The following VSIG2 variants were observed in gnomAD, a reference collection of about 807,000 sequenced individuals.
The protein encoded by VSIG2 is V-set and immunoglobulin domain-containing protein 2.
In VSIG2, 30 loss-of-function variants were observed where a neutral mutation model predicts 29.4. The observed-to-expected ratio is 1.02, with a 90% confidence interval of 0.76 to 1.38. The LOEUF (loss-of-function observed/expected upper bound fraction) is 1.38, where lower values mean the gene tolerates loss of function less well. Ranked by LOEUF, VSIG2 falls within the 40% of genes most tolerant of loss-of-function variation. The pLI is 0.00. For missense variants in VSIG2, 421 were observed against 400.8 expected, an observed-to-expected ratio of 1.05 and a Z score of -0.43; for synonymous variants, 178 against 174.2, an observed-to-expected ratio of 1.02 and a Z score of -0.17.
intron 3 of VSIG2, 29 bp from the exon 4 acceptor site, chr11:124,749,895 A>AAACAAAAAAAAAC (rs1555108821): frequency 6.7e-6 from 10 of 1,485,748 alleles, no homozygotes; most frequent in African/African-American, 4.4e-5. Context: ...AAAAAAAAAA[A>AAACAAAAAAAAAC]CAGAAAGTTC....
At chr11:124,752,046 C>A in intron 1 of VSIG2, 31 bp downstream of exon 1, 1 of 1,575,118 alleles carries the variant, frequency 6.3e-7, no homozygotes, top group South Asian at 1.2e-5. Context: ...CCCCCCAGCC[C>A]TCGCCGTGGT....
At position 124,752,249 on chromosome 11, in the gene VSIG2, C is replaced by G; in HGVS notation, c.-112G>C. The stretch of plus-strand genomic sequence containing the variant: ...GGCAGCCGCCCGGGCTGGGCAGGAG[C>G]GAGACTGGTATCTCAGAGCAAACAG... On this transcript the variant is annotated 5_prime_UTR_variant, in exon 1 of 7. Transcript: ENST00000326621. 1.8e-6 allele frequency: 2 copies of G among 1,103,874 alleles called. No individual in the cohort carries two copies. Among genetic ancestry groups the G allele is most frequent in the Non-Finnish European group, 2.5e-6 (2 of 798,924 alleles). The allele number at this position is 1,103,874 out of a possible 1,614,324, so 68.4% of individuals were successfully genotyped here.
chr11:124,752,144 G>A lies in VSIG2; in HGVS notation c.-7C>T, dbSNP rs752264939. The A allele has an allele frequency of 1.9e-6, 3 of 1,581,056 alleles. No homozygotes were observed. Among genetic ancestry groups the A allele is most frequent in the Admixed American group, 1.8e-5 (1 of 56,686 alleles). ...GCCCCGGGAGCTCGGCCATGGCCGC[G>A]TCCGGCCGTCCTGTCCTGCTCCTGC... On this transcript the variant is annotated 5_prime_UTR_variant, in exon 1 of 7. The change creates a new upstream start codon in the 5' untranslated region. Coordinates refer to ENST00000326621, the MANE Select transcript of VSIG2 (RefSeq NM_014312.5).
At chr11:124,750,367 C>T (rs1944070211) in intron 3 of VSIG2, among the ~76,000 whole-genome samples, 1 of 152,212 alleles carries the variant, frequency 6.6e-6, no homozygotes, top group Non-Finnish European at 1.5e-5. Flanking sequence ...GGTGGCCACT[C>T]CCCTTCTCTG....
chr11:124,751,570 C>T lies in VSIG2; in HGVS notation c.72G>A (p.Val24=), dbSNP rs1446516587. The T allele has an allele frequency of 1.9e-6, 3 of 1,597,736 alleles. No homozygotes were observed. The highest frequency in any genetic ancestry group is 2.7e-5 in the African/African-American group (2 of 74,784). The change falls in exon 2 of 7, where the codon GTG becomes GTA. Residue 24 remains valine (V), a synonymous_variant. Transcript: ENST00000326621. ...GCGGCTCTGTGGGTACCTTCACCTC[C>T]ACGGCCAGCCCTGGGGCCGGGGACC... The part of the protein sequence containing the change: ...LGFLCLSGLA[V]EVKVPTEPLS...
At position 124,751,642 on chromosome 11, in the gene VSIG2, C is replaced by T. The variant is rs558072160; in HGVS notation, c.62-62G>A. The stretch of plus-strand genomic sequence containing the variant: ...TTCCAGTGATCTGGAGGGTCGGGCC[C>T]ACCCCCGGGCATCTATATTGGAAGC... On this transcript the variant is annotated intron_variant, in intron 1 of 6. Coordinates refer to ENST00000326621, the MANE Select transcript of VSIG2 (RefSeq NM_014312.5). The T allele has an allele frequency of 1.6e-5, 23 of 1,478,916 alleles. No individual in the cohort carries two copies. The East Asian group carries it at 5.0e-4, about 32-fold the overall frequency. 91.6% of individuals were successfully genotyped at this position (1,478,916 alleles called of 1,614,324 possible).
chr11:124,748,222 C>T (rs1370456340), intron 6 of VSIG2, 168 bp downstream of exon 6: 1 of 762,648 alleles, frequency 1.3e-6, no homozygotes, highest in Non-Finnish European at 2.1e-6. Flanking sequence ...TTGCCTGTAC[C>T]CTCAAATACA....
chr11:124,748,461 CGCA>C lies in VSIG2; in HGVS notation c.777_779del (p.Ala260del). ...CTTTCTGGAACCTGACCAGGCAGAA[CGCA>C]GCAACTGACAGCAACAGCACGCCCA... On this transcript the variant is annotated inframe_deletion, in exon 6 of 7. Coordinates refer to ENST00000326621, the MANE Select transcript of VSIG2 (RefSeq NM_014312.5). 1 of 1,614,144 alleles carries C rather than the reference CGCA, an allele frequency of 6.2e-7. No homozygotes were observed. Among genetic ancestry groups the C allele is most frequent in the Non-Finnish European group, 8.5e-7 (1 of 1,180,032 alleles).
intron 3 of VSIG2, among the ~76,000 whole-genome samples, 193 bp downstream of exon 3, chr11:124,750,521 T>A (rs1944072280): frequency 6.6e-6 from 1 of 151,992 alleles, no homozygotes; most frequent in Non-Finnish European, 1.5e-5. Context: ...GAGGAGATGC[T>A]CTCGGTGGAG....
intron 3 of VSIG2, 28 bp from the exon 4 acceptor site, chr11:124,749,894 A>AAAAG: frequency 1.3e-6 from 2 of 1,508,154 alleles, no homozygotes; most frequent in Non-Finnish European, 8.8e-7. Context: ...AAAAAAAAAA[A>AAAAG]ACAGAAAGTT....
Position 124,751,423 on chromosome 11 carries a change from T to C in VSIG2, c.219A>G (p.Pro73=). ...CTTCATGCAGTCGCTCTCAGCTCAC[T>C]GGATGGGACTCAGAGATGGGTTTCC... ...QPGKPISESH[P]ILYFTNGHLY... The change falls in exon 2 of 7, where the codon CCA becomes CCG. Residue 73 remains proline, a splice_region_variant and synonymous_variant. Transcript: ENST00000326621. 3 of 1,611,550 alleles carry C rather than the reference T, an allele frequency of 1.9e-6. No individual in the cohort carries two copies. The highest frequency in any genetic ancestry group is 1.7e-6 in the Non-Finnish European group (2 of 1,179,902).
intron 6 of VSIG2, 54 bp from the exon 7 acceptor site, chr11:124,747,721 G>C (rs182026318): frequency 7.0e-6 from 11 of 1,571,574 alleles, no homozygotes; most frequent in South Asian, 1.2e-5. Flanking sequence ...TGCGGAGGAG[G>C]GCCGTCCTCT....
intron 1 of VSIG2, 59 bp downstream of exon 1, chr11:124,752,018 G>A: frequency 6.7e-7 from 1 of 1,493,370 alleles, no homozygotes; most frequent in Non-Finnish European, 8.9e-7. Context: ...CCGAGGAGCC[G>A]GGGAAGCCAG....
chr11:124,751,487 C>T lies in VSIG2; in HGVS notation c.155G>A (p.Gly52Glu), dbSNP rs768431856. The T allele has an allele frequency of 1.2e-5, 20 of 1,613,010 alleles. No homozygotes were observed. In the South Asian group the frequency reaches 1.6e-4, roughly 13 times the overall value. The change falls in exon 2 of 7, where the codon GGA (glycine) becomes GAA (glutamate). Residue 52 changes from glycine (G) to glutamate (E), a missense_variant. Physicochemically the swap from Gly to Glu is moderately conservative, Grantham distance 98. Transcript: ENST00000326621. ...GCTCCACTCCAGGGCGAAGCTGTCT[C>T]CCACCGACGTGCTGTAGGTGCAGGT... ...ELTCTYSTSV[G>E]DSFALEWSFV... is the part of the protein sequence containing the mutation.
At chr11:124,750,484 C>T (rs535479528) in intron 3 of VSIG2, among the ~76,000 whole-genome samples, 12 of 152,006 alleles carry the variant, frequency 7.9e-5, no homozygotes, top group Non-Finnish European at 1.3e-4. Context: ...GACTTTCTCT[C>T]ACACACTCTG....
intron 4 of VSIG2, among the ~76,000 whole-genome samples, chr11:124,749,050 C>T (rs771895543): frequency 1.3e-5 from 2 of 152,054 alleles, no homozygotes; most frequent in African/African-American, 4.8e-5. Context: ...GCAATGGAGT[C>T]GGGGTGGGGT....
Position 124,749,870 on chromosome 11 carries a change from C to CAAAAAAAAAAAAAAAAAAAAAAAAAGA in VSIG2, c.428-5_428-4insTCTTTTTTTTTTTTTTTTTTTTTTTTT. ...CATAAGGGATTACTGGGGGGAACTG[C>CAAAAAAAAAAAAAAAAAAAAAAAAAGA]AAAAAAAAAAAAAAAAAAAAAAAAA... is the stretch of plus-strand genomic sequence containing the variant. On this transcript the variant is annotated splice_polypyrimidine_tract_variant and splice_region_variant and intron_variant, in intron 3 of 6. Transcript: ENST00000326621. 1 of 779,014 alleles carries CAAAAAAAAAAAAAAAAAAAAAAAAAGA rather than the reference C, an allele frequency of 1.3e-6. No homozygotes were observed. Among genetic ancestry groups the CAAAAAAAAAAAAAAAAAAAAAAAAAGA allele is most frequent in the South Asian group, 3.4e-5 (1 of 29,574 alleles). 48.3% of individuals were successfully genotyped at this position (779,014 alleles called of 1,614,324 possible).
chr11:124,748,718 G>T lies in VSIG2; in HGVS notation c.632C>A (p.Ser211Tyr). ...QLILTNLSLTSSGTYRCVATN... is the reference protein window; with the variant it reads ...QLILTNLSLTYSGTYRCVATN... ...GGCCACACAGCGGTAGGTGCCCGAG[G>T]AGGTCAGGGAGAGGTTGGTGAGAAT... Residue 211 changes from serine (S) to tyrosine (Y), a missense_variant, in exon 5 of 7, where the codon TCC (serine) becomes TAC (tyrosine). Coordinates refer to ENST00000326621, the MANE Select transcript of VSIG2 (RefSeq NM_014312.5). The T allele has an allele frequency of 6.2e-7, 1 of 1,614,226 alleles. No individual in the cohort carries two copies.
intron 3 of VSIG2, among the ~76,000 whole-genome samples, 190 bp downstream of exon 3, chr11:124,750,524 C>T (rs757354661): frequency 6.6e-6 from 1 of 151,992 alleles, no homozygotes; most frequent in Non-Finnish European, 1.5e-5. Flanking sequence ...GAGATGCTCT[C>T]GGTGGAGGGT....
Sources: gnomAD v4.1 joint callset for allele counts (sites outside exome capture counted in the v4.1 genomes callset) on GRCh38, gnomAD v4.1.1 for gene constraint, MANE v1.5 for transcripts, NCBI Gene and HGNC (gene_info 2026-07-23, HGNC 2026-07-21) for gene names.